LY75: variants seen among roughly 807,000 people sequenced by gnomAD.
LY75 encodes the protein C-type lectin domain family 13 member B.
LY75 carries 185 observed loss-of-function variants against 231.7 expected under a neutral mutation model. That is an observed-to-expected ratio of 0.80 (90% CI 0.71 to 0.90). The LOEUF is 0.90. LY75 is among the 40% of genes least tolerant of loss of function. The probability of loss-of-function intolerance (pLI) is 0.00; values close to 1 mark genes in which losing one functional copy is unlikely to be tolerated. For missense variants in LY75, 1,947 were observed against 2,050.2 expected (o/e 0.95, Z 0.97); for synonymous variants, 668 against 689.0 (o/e 0.97, Z 0.48).
chr2:159,841,171 T>C (rs1684014944), intron 24 of LY75, among the ~76,000 whole-genome samples: 1 of 152,220 alleles, frequency 6.6e-6, no homozygotes, highest in Admixed American at 6.5e-5. Flanking sequence ...CAGAACAACA[T>C]TCTGTTTCAT....
intron 28 of LY75, among the ~76,000 whole-genome samples, chr2:159,824,477 A>G (rs981430125): frequency 2.0e-5 from 3 of 152,210 alleles, no homozygotes; most frequent in African/African-American, 7.2e-5. Flanking sequence ...GCAAGTTCAT[A>G]GAGACCTACA....
At chr2:159,834,326 T>C (rs1182692405) in intron 26 of LY75, 115 bp from the exon 27 acceptor site, 1 of 1,327,942 alleles carries the variant, frequency 7.5e-7, no homozygotes, top group Non-Finnish European at 1.0e-6. Context: ...AGTAATATCC[T>C]GGTGAAGCCT....
chr2:159,837,032 C>T (rs1683851796), intron 25 of LY75, among the ~76,000 whole-genome samples: 1 of 152,220 alleles, frequency 6.6e-6, no homozygotes, highest in Non-Finnish European at 1.5e-5. Context: ...AATGCTCACA[C>T]ATTGTTGGTG....
chr2:159,810,007 T>G (rs1682909163), intron 32 of LY75, among the ~76,000 whole-genome samples: 1 of 150,894 alleles, frequency 6.6e-6, no homozygotes, highest in African/African-American at 2.4e-5. Context: ...TCTTCCAACT[T>G]ATTATTTTCC....
intron 23 of LY75, 31 bp downstream of exon 23, chr2:159,849,949 A>G: frequency 6.2e-7 from 1 of 1,603,346 alleles, no homozygotes; most frequent in Non-Finnish European, 8.5e-7. Context: ...TCACAGAGGT[A>G]TGAAGAGTAT....
At chr2:159,837,079 T>C (rs971342878) in intron 25 of LY75, among the ~76,000 whole-genome samples, 1 of 152,172 alleles carries the variant, frequency 6.6e-6, no homozygotes, top group Non-Finnish European at 1.5e-5. Flanking sequence ...GGAAAGTAGT[T>C]TGGAGATTTC....
intron 11 of LY75, 115 bp from the exon 12 acceptor site, chr2:159,875,758 G>T: frequency 8.0e-7 from 1 of 1,244,720 alleles, no homozygotes; most frequent in Non-Finnish European, 1.1e-6. Context: ...AAAAAAAATG[G>T]AACAAAGAGA....
chr2:159,867,661 A>G (rs921032491), intron 13 of LY75, among the ~76,000 whole-genome samples: 2 of 152,332 alleles, frequency 1.3e-5, no homozygotes, highest in African/African-American at 2.4e-5. Flanking sequence ...AAGCCCCAAT[A>G]AATACTATTT....
At chr2:159,850,805 CTT>C (rs1259505022) in intron 21 of LY75, among the ~76,000 whole-genome samples, 1 of 51,064 alleles carries the variant, frequency 2.0e-5, no homozygotes, top group African/African-American at 8.5e-5. Flanking sequence ...TATATTATAT[CTT>C]ATATATAAGA....
In LY75 at chr2:159,842,794, A is replaced by G. The variant is rs187140871; in HGVS notation, c.3151-420T>C. Among the ~76,000 whole-genome samples the G allele has an allele frequency of 4.5e-3, 692 of 152,238 alleles. 5 individuals carry two copies. Among genetic ancestry groups the G allele is most frequent in the African/African-American group, 0.016 (653 of 41,584 alleles). ...TATACTAGTCACTATAAAAATCTCC[A>G]TATATTAAAACAGAAGTATCTAGAT... On this transcript the variant is annotated intron_variant, in intron 23 of 34. Transcript: ENST00000263636.
chr2:159,841,835 C>T (rs543298697), intron 24 of LY75, among the ~76,000 whole-genome samples: 1 of 151,968 alleles, frequency 6.6e-6, no homozygotes, highest in South Asian at 2.1e-4. Flanking sequence ...GAACAAAATT[C>T]AATTACTATA....
intron 25 of LY75, among the ~76,000 whole-genome samples, chr2:159,840,392 C>A (rs1158372578): frequency 6.6e-6 from 1 of 151,980 alleles, no homozygotes; most frequent in Non-Finnish European, 1.5e-5. Context: ...GGCAATATGG[C>A]AAAACCTCAT....
At chr2:159,876,109 C>T (rs2125872248) in intron 11 of LY75, among the ~76,000 whole-genome samples, 1 of 152,224 alleles carries the variant, frequency 6.6e-6, no homozygotes, top group Non-Finnish European at 1.5e-5. Flanking sequence ...AAAGCTGGTA[C>T]AATAAAGGTA....
rs35284483 is a variant in LY75 at position 159,904,625 on chromosome 2, A to G, written c.58T>C (p.Trp20Arg). 21,172 of 1,506,360 alleles carry G rather than the reference A, an allele frequency of 0.014. 1,349 individuals carry two copies. The East Asian group carries it at 0.19, about 13-fold the overall frequency. The allele number at this position is 1,506,360 out of a possible 1,614,324, so 93.3% of individuals were successfully genotyped here. A position where few individuals can be genotyped will look rare whatever the true frequency, so the allele number is the denominator to read the frequency against. ...GAGGGCTCCGCGAGATCGAAGAACC[A>G]GAAGAGCAGCATGAGGAGCCCCGCC... ...RPAGLLMLLF[W>R]FFDLAEPSGR... is the part of the protein sequence containing the mutation. Residue 20 changes from tryptophan to arginine, a missense_variant, in exon 1 of 35, where the codon TGG becomes CGG. Physicochemically the swap from Trp to Arg is moderately radical, Grantham distance 101. Transcript: ENST00000263636.
intron 6 of LY75, among the ~76,000 whole-genome samples, chr2:159,882,816 A>G (rs1397541819): frequency 4.6e-5 from 7 of 152,146 alleles, no homozygotes; most frequent in Non-Finnish European, 7.4e-5. Context: ...TTTAAGGGAC[A>G]GAATAAGACA....
At chr2:159,830,312 C>T (rs545951275) in intron 28 of LY75, among the ~76,000 whole-genome samples, 1 of 152,202 alleles carries the variant, frequency 6.6e-6, no homozygotes, top group Non-Finnish European at 1.5e-5. Context: ...TATCATTGTC[C>T]TGTGCCCCTT....
At chr2:159,841,018 CA>C (rs1684009617) in intron 24 of LY75, 63 bp from the exon 25 acceptor site, 5 of 1,579,474 alleles carry the variant, frequency 3.2e-6, no homozygotes, top group East Asian at 2.2e-5. Flanking sequence ...AGTTATGGGA[CA>C]TTTTTTTCAC....
rs146973013 is a variant in LY75, at chr2:159,889,284, A to G, written c.802+929T>C. Among the ~76,000 whole-genome samples, 531 of 152,278 alleles carry G rather than the reference A, an allele frequency of 3.5e-3. 2 individuals carry two copies. The highest frequency in any genetic ancestry group is 0.012 in the African/African-American group (503 of 41,552). ...TCCTCTATCACTCAGGCTGGAGTGCAGTGATGCCATCATAGCTCTCTGCAG... is the reference window on the plus strand; with the variant it reads ...TCCTCTATCACTCAGGCTGGAGTGCGGTGATGCCATCATAGCTCTCTGCAG... On this transcript the variant is annotated intron_variant, in intron 4 of 34. Coordinates refer to ENST00000263636, the MANE Select transcript of LY75 (RefSeq NM_002349.4).
At chr2:159,821,759 T>C (rs933632225) in intron 28 of LY75, among the ~76,000 whole-genome samples, 5 of 151,730 alleles carry the variant, frequency 3.3e-5, no homozygotes, top group African/African-American at 1.2e-4. Flanking sequence ...GATGGCCAAA[T>C]AGGAACAACT....
Sources: gnomAD v4.1 joint callset for allele counts (sites outside exome capture counted in the v4.1 genomes callset) on GRCh38, gnomAD v4.1.1 for gene constraint, MANE v1.5 for transcripts, NCBI Gene and HGNC (gene_info 2026-07-23, HGNC 2026-07-21) for gene names.